The following RPS23 variants were observed in gnomAD, a reference collection of about 807,000 sequenced individuals.
RPS23 encodes small ribosomal subunit protein uS12.
For missense variants in RPS23, 73 were observed against 174.5 expected, an observed-to-expected ratio of 0.42 and a Z score of 3.28; for synonymous variants, 66 against 60.4, an observed-to-expected ratio of 1.09 and a Z score of -0.43.
At chr5:82,276,561 A>G in intron 2 of RPS23, 43 bp from the exon 3 acceptor site, 4 of 1,609,880 alleles carry the variant, frequency 2.5e-6, no homozygotes, top group Non-Finnish European at 3.4e-6. Flanking sequence ...GCTTTCTGAA[A>G]AAGATTATCT....
In RPS23 at chr5:82,273,712, AAAC is replaced by A. The variant is rs1286740952; in HGVS notation, c.*2394_*2396del. 6.6e-6 allele frequency: 1 copy of A among 152,034 alleles called. No individual in the cohort carries two copies. The allele number at this position is 152,034 out of a possible 1,614,324, so 9.4% of individuals were successfully genotyped here. A position where few individuals can be genotyped will look rare whatever the true frequency, so the allele number is the denominator to read the frequency against. ...CAGGTACTGAGTATAAAACAATATA[AAAC>A]AATATGAGAAGGTCTCTCTCTTCCC... On this transcript the variant is annotated 3_prime_UTR_variant, in exon 4 of 4. Coordinates refer to ENST00000296674, the MANE Select transcript of RPS23 (RefSeq NM_001025.5).
At chr5:82,277,014 A>G (rs144083265) in intron 2 of RPS23, among the ~76,000 whole-genome samples, 8 of 151,882 alleles carry the variant, frequency 5.3e-5, no homozygotes, top group African/African-American at 1.9e-4. Flanking sequence ...GTGAAACCCC[A>G]TCACTACTGA....
chr5:82,273,969 ATACC>A lies in RPS23; in HGVS notation c.*2136_*2139del, dbSNP rs1197110316. The A allele has an allele frequency of 6.6e-6, 1 of 152,186 alleles. No homozygotes were observed. Among genetic ancestry groups the A allele is most frequent in the Non-Finnish European group, 1.5e-5 (1 of 68,018 alleles). 9.4% of individuals were successfully genotyped at this position (152,186 alleles called of 1,614,324 possible). ...GCTTTTGGTGTAATGTCTAAAAACT[ATACC>A]TACGCCTAGGTTGTAAAGATAGTCT... On this transcript the variant is annotated 3_prime_UTR_variant, in exon 4 of 4. Coordinates refer to ENST00000296674, the MANE Select transcript of RPS23 (RefSeq NM_001025.5).
At chr5:82,278,079 G>T in intron 1 of RPS23, 1 of 661,688 alleles carries the variant, frequency 1.5e-6, no homozygotes, top group African/African-American at 1.8e-5. Flanking sequence ...GGCCCCGCTC[G>T]AATGCCCGGG....
chr5:82,278,072 C>T (rs72778530), intron 1 of RPS23: 37,655 of 660,352 alleles, frequency 0.057, 1,256 homozygotes, highest in Non-Finnish European at 0.071. Flanking sequence ...AGGACGAGGC[C>T]CCGCTCGAAT....
In RPS23 at chr5:82,276,270, G is replaced by A. The variant is rs1189871485; in HGVS notation, c.286-15C>T. ...TCATCATTTTCCTGGAATAAAATAA[G>A]AAGTTTATTTCTGGTGTTGGTGGCG... On this transcript the variant is annotated splice_polypyrimidine_tract_variant and intron_variant, in intron 3 of 3. Transcript: ENST00000296674. 1 of 1,613,352 alleles carries A rather than the reference G, an allele frequency of 6.2e-7. No homozygotes were observed. Among genetic ancestry groups the A allele is most frequent in the Non-Finnish European group, 8.5e-7 (1 of 1,179,642 alleles).
At position 82,274,859 on chromosome 5, in the gene RPS23, CAA is replaced by C. The variant is rs1469336063; in HGVS notation, c.*1248_*1249del. 3.4e-5 allele frequency: 8 copies of C among 236,440 alleles called. No homozygotes were observed. The highest frequency in any genetic ancestry group is 1.8e-4 in the African/African-American group (8 of 44,376). 14.6% of individuals were successfully genotyped at this position (236,440 alleles called of 1,614,324 possible). On this transcript the variant is annotated 3_prime_UTR_variant, in exon 4 of 4. Transcript: ENST00000296674. ...CGGAGGGAGAGACTAGCATCATCAT[CAA>C]GAGATAAACCGAAGTGTGCTGGAAA...
chr5:82,275,817 A>G lies in RPS23; in HGVS notation c.*292T>C. ...GTTCCCTTAAAGTTCTTAAAGTAATACTACAATACTGCACATTTATTCCAG... is the reference window on the plus strand; with the variant it reads ...GTTCCCTTAAAGTTCTTAAAGTAATGCTACAATACTGCACATTTATTCCAG... On this transcript the variant is annotated 3_prime_UTR_variant, in exon 4 of 4. Coordinates refer to ENST00000296674, the MANE Select transcript of RPS23 (RefSeq NM_001025.5). 3.0e-6 allele frequency: 1 copy of G among 331,956 alleles called. No homozygotes were observed. Among genetic ancestry groups the G allele is most frequent in the East Asian group, 5.3e-5 (1 of 18,960 alleles). 20.6% of individuals were successfully genotyped at this position (331,956 alleles called of 1,614,324 possible). A position where few individuals can be genotyped will look rare whatever the true frequency, so the allele number is the denominator to read the frequency against.
chr5:82,277,414 A>G (rs548215185), intron 2 of RPS23: 26 of 441,530 alleles, frequency 5.9e-5, no homozygotes, highest in Non-Finnish European at 9.5e-5. Flanking sequence ...ACTTATAACA[A>G]CTCCCACAGT....
chr5:82,278,286 T>G, intron 1 of RPS23, 34 bp downstream of exon 1: 1 of 1,588,832 alleles, frequency 6.3e-7, no homozygotes, highest in Non-Finnish European at 8.6e-7. Context: ...CAAGTCCCGC[T>G]TGCAGCGCCC....
rs1747749453 is a variant in RPS23 at position 82,275,310 on chromosome 5, T to G, written c.*799A>C. On this transcript the variant is annotated 3_prime_UTR_variant, in exon 4 of 4. Transcript: ENST00000296674. ...CCATGAAAACTCTGAAACAAGTATTTGTGGACAGCAAAATCCACATGTACT... is the reference window on the plus strand; with the variant it reads ...CCATGAAAACTCTGAAACAAGTATTGGTGGACAGCAAAATCCACATGTACT... 1.4e-6 allele frequency: 1 copy of G among 702,610 alleles called. No individual in the cohort carries two copies. 43.5% of individuals were successfully genotyped at this position (702,610 alleles called of 1,614,324 possible).
At chr5:82,278,080 A>AATGCCC in intron 1 of RPS23, 1 of 663,004 alleles carries the variant, frequency 1.5e-6, no homozygotes, top group Non-Finnish European at 2.6e-6. Flanking sequence ...GCCCCGCTCG[A>AATGCCC]ATGCCCGGGA....
At chr5:82,277,995 G>T in intron 1 of RPS23, 143 bp from the exon 2 acceptor site, 1 of 787,404 alleles carries the variant, frequency 1.3e-6, no homozygotes, top group Non-Finnish European at 2.0e-6. Context: ...CAAACATTTG[G>T]CCTTCAAGTT....
In RPS23 at chr5:82,275,978, A is replaced by C. The variant is rs1247774112; in HGVS notation, c.*131T>G. On this transcript the variant is annotated 3_prime_UTR_variant, in exon 4 of 4. Coordinates refer to ENST00000296674, the MANE Select transcript of RPS23 (RefSeq NM_001025.5). ...GTACAGGTCCTGCGTTTGCTGGTTT[A>C]GGATAAAAAAAATAAGGGGGGGTGG... 1.4e-5 allele frequency: 12 copies of C among 835,160 alleles called. No homozygotes were observed. The highest frequency in any genetic ancestry group is 2.1e-5 in the Non-Finnish European group (11 of 531,450). The allele number at this position is 835,160 out of a possible 1,614,324, so 51.7% of individuals were successfully genotyped here. A position where few individuals can be genotyped will look rare whatever the true frequency, so the allele number is the denominator to read the frequency against.
rs892412030 is a variant in RPS23, at chr5:82,274,249, T to G, written c.*1860A>C. On this transcript the variant is annotated 3_prime_UTR_variant, in exon 4 of 4. Coordinates refer to ENST00000296674, the MANE Select transcript of RPS23 (RefSeq NM_001025.5). ...TTTTTGTCTCTCCTCCATGGATACA[T>G]GAAGGAAAGGGCCTTGGACACAAGG... The G allele has an allele frequency of 2.0e-5, 3 of 152,104 alleles. No homozygotes were observed. The highest frequency in any genetic ancestry group is 7.3e-5 in the African/African-American group (3 of 41,376). The allele number at this position is 152,104 out of a possible 1,614,324, so 9.4% of individuals were successfully genotyped here.
intron 2 of RPS23, 172 bp downstream of exon 2, chr5:82,277,521 A>C (rs1253077534): frequency 1.4e-6 from 1 of 707,202 alleles, no homozygotes; most frequent in Non-Finnish European, 2.4e-6. Flanking sequence ...TAATTCCCAA[A>C]AACTAATTTT....
chr5:82,276,527 C>T lies in RPS23; in HGVS notation c.165-9G>A. 6.2e-7 allele frequency: 1 copy of T among 1,613,936 alleles called. No individual in the cohort carries two copies. The highest frequency in any genetic ancestry group is 8.5e-7 in the Non-Finnish European group (1 of 1,179,890). On this transcript the variant is annotated splice_polypyrimidine_tract_variant and intron_variant, in intron 2 of 3. Transcript: ENST00000296674. ...GTTTGGCTTCAACTCCTCTGAAATA[C>T]AAAAGGCACAGCACTGTGAGCTGGC...
At chr5:82,276,278 T>C (rs762011186) in intron 3 of RPS23, 23 bp from the exon 4 acceptor site, 2 of 1,613,382 alleles carry the variant, frequency 1.2e-6, no homozygotes, top group East Asian at 2.2e-5. Context: ...AAGAAGTTTA[T>C]TTCTGGTGTT....
intron 1 of RPS23, 72 bp from the exon 2 acceptor site, chr5:82,277,924 G>A: frequency 9.8e-6 from 13 of 1,331,216 alleles, no homozygotes; most frequent in South Asian, 7.4e-5. Flanking sequence ...TAAGACACTC[G>A]CCTCACCTGG....
Sources: allele counts gnomAD v4.1 joint callset (sites outside exome capture counted in the v4.1 genomes callset), GRCh38; gene constraint gnomAD v4.1.1; transcripts MANE v1.5; gene names NCBI Gene and HGNC (gene_info 2026-07-23, HGNC 2026-07-21).